SGO1: variants seen among roughly 807,000 people sequenced by gnomAD.
The protein encoded by SGO1 is shugoshin 1.
A neutral mutation model predicts 50.5 loss-of-function variants in SGO1; 39 were observed. The observed-to-expected ratio is 0.77, with a 90% CI of 0.60 to 1.01. The LOEUF is 1.01. Ranked by LOEUF, SGO1 falls within the 50% of genes least tolerant of loss-of-function variation. SGO1 has a pLI of 0.00. For missense variants in SGO1, 638 were observed against 606.0 expected (o/e 1.05, Z -0.55); for synonymous variants, 191 against 205.1 (o/e 0.93, Z 0.59).
At chr3:20,176,810 A>G (rs1253513828) in intron 4 of SGO1, 151 bp from the exon 5 acceptor site, 1 of 533,894 alleles carries the variant, frequency 1.9e-6, no homozygotes, top group Non-Finnish European at 3.3e-6. Context: ...AAGGAAACCA[A>G]AGGACACTTA....
At chr3:20,162,389 A>G (rs1700083222) in intron 8 of SGO1, among the ~76,000 whole-genome samples, 1 of 152,196 alleles carries the variant, frequency 6.6e-6, no homozygotes, top group African/African-American at 2.4e-5. Context: ...ACTGGGGGTA[A>G]ACGAGCATAG....
At chr3:20,174,126 A>T in intron 6 of SGO1, 123 bp downstream of exon 6, 1 of 776,912 alleles carries the variant, frequency 1.3e-6, no homozygotes, top group South Asian at 1.8e-5. Flanking sequence ...TCCACCAAAG[A>T]GAGACAGATG....
intron 8 of SGO1, among the ~76,000 whole-genome samples, chr3:20,163,772 A>G (rs1398072432): frequency 1.3e-5 from 2 of 152,194 alleles, no homozygotes; most frequent in African/African-American, 4.8e-5. Context: ...AGAGGAGGAT[A>G]ACTACAGCTC....
downstream of SGO1, among the ~76,000 whole-genome samples, chr3:20,167,691 G>A (rs1700373991): frequency 6.6e-6 from 1 of 152,112 alleles, no homozygotes; most frequent in African/African-American, 2.4e-5. Flanking sequence ...TGGTGCTACT[G>A]GAACTTAGAA....
downstream of SGO1, among the ~76,000 whole-genome samples, chr3:20,168,550 A>G (rs1294173983): frequency 6.6e-6 from 1 of 151,978 alleles, no homozygotes; most frequent in African/African-American, 2.4e-5. Flanking sequence ...TGATGATGGA[A>G]ATGTTCAATA....
At chr3:20,184,108 T>C in intron 1 of SGO1, 74 bp from the exon 2 acceptor site, 1 of 1,197,402 alleles carries the variant, frequency 8.4e-7, no homozygotes, top group Non-Finnish European at 1.1e-6. Context: ...AGGCTGTTCA[T>C]AAAGAATGCA....
Position 20,170,658 on chromosome 3 carries a change from A to T in SGO1, c.*46T>A. ...CTCTTACAGATCCTCTCCTGAAGCA[A>T]CAGAAAGAGGTGTAGATTGAATTTA... On this transcript the variant is annotated 3_prime_UTR_variant, in exon 8 of 8. Coordinates refer to ENST00000412997, the MANE Select transcript of SGO1 (RefSeq NM_001199251.3). 1 of 1,507,538 alleles carries T rather than the reference A, an allele frequency of 6.6e-7. No homozygotes were observed. Among genetic ancestry groups the T allele is most frequent in the Non-Finnish European group, 8.8e-7 (1 of 1,134,616 alleles). The allele number at this position is 1,507,538 out of a possible 1,614,324, so 93.4% of individuals were successfully genotyped here. A position where few individuals can be genotyped will look rare whatever the true frequency, so the allele number is the denominator to read the frequency against.
At chr3:20,180,141 T>C (rs566947992) in intron 3 of SGO1, among the ~76,000 whole-genome samples, 1 of 152,134 alleles carries the variant, frequency 6.6e-6, no homozygotes, top group East Asian at 1.9e-4. Flanking sequence ...CAAAAAAGTT[T>C]TAAAAAATTA....
intron 6 of SGO1, among the ~76,000 whole-genome samples, chr3:20,171,669 A>G (rs562320309): frequency 6.6e-6 from 1 of 152,310 alleles, no homozygotes; most frequent in Non-Finnish European, 1.5e-5. Flanking sequence ...CATTTTAGTC[A>G]TACCTTGCTA....
chr3:20,171,431 T>C (rs1700735398), intron 6 of SGO1, among the ~76,000 whole-genome samples, 199 bp from the exon 7 acceptor site: 1 of 152,146 alleles, frequency 6.6e-6, no homozygotes, highest in South Asian at 2.1e-4. Context: ...CTCTGCCTCC[T>C]GGTCTCAAGC....
At chr3:20,184,820 T>A (rs1702439406) in intron 1 of SGO1, among the ~76,000 whole-genome samples, 1 of 132,280 alleles carries the variant, frequency 7.6e-6, no homozygotes, top group Admixed American at 7.5e-5. Flanking sequence ...ATACTTAATC[T>A]TTCAACGTTG....
At chr3:20,181,730 T>C (rs896539847) in intron 3 of SGO1, among the ~76,000 whole-genome samples, 1 of 152,112 alleles carries the variant, frequency 6.6e-6, no homozygotes, top group Admixed American at 6.5e-5. Context: ...CCCCTACTAG[T>C]TGACTGAACA....
At position 20,183,775 on chromosome 3, in the gene SGO1, G is replaced by C. The variant is rs765979999; in HGVS notation, c.172C>G (p.Gln58Glu). Residue 58 changes from glutamine (Q) to glutamate (E), a missense_variant, in exon 3 of 8, where the codon CAA (glutamine) becomes GAA (glutamate). Coordinates refer to ENST00000412997, the MANE Select transcript of SGO1 (RefSeq NM_001199251.3). ...TNTSTLLKNYQDNNKMLVLAL... is the reference protein window; with the variant it reads ...TNTSTLLKNYEDNNKMLVLAL... ...AAAACTAACATTTTGTTGTTGTCTT[G>C]GTAATTTTTCAGCAGTGTAGAAGTG... The C allele has an allele frequency of 1.2e-6, 2 of 1,610,952 alleles. No individual in the cohort carries two copies. Among genetic ancestry groups the C allele is most frequent in the Non-Finnish European group, 1.7e-6 (2 of 1,179,218 alleles).
intron 1 of SGO1, among the ~76,000 whole-genome samples, 169 bp from the exon 2 acceptor site, chr3:20,184,203 T>C (rs1201890009): frequency 6.6e-6 from 1 of 152,204 alleles, no homozygotes; most frequent in Non-Finnish European, 1.5e-5. Flanking sequence ...AAAATCTCAT[T>C]CATATTTCTG....
rs1702269906 is a variant in SGO1 at position 20,183,604 on chromosome 3, A to G, written c.339+4T>C. 4 of 1,565,032 alleles carry G rather than the reference A, an allele frequency of 2.6e-6. No individual in the cohort carries two copies. The highest frequency in any genetic ancestry group is 3.4e-6 in the Non-Finnish European group (4 of 1,161,908). On this transcript the variant is annotated splice_donor_region_variant and intron_variant, in intron 3 of 7. Transcript: ENST00000412997. The stretch of plus-strand genomic sequence containing the variant: ...AAGAAATTCGGCCTTAGTAATGAAA[A>G]TACCTGAGCAGGTTCTACTGTTTGT...
At chr3:20,178,630 C>T (rs1701664461) in intron 3 of SGO1, among the ~76,000 whole-genome samples, 1 of 152,182 alleles carries the variant, frequency 6.6e-6, no homozygotes, top group Admixed American at 6.5e-5. Flanking sequence ...TAGAGAGTAA[C>T]TCAGGTTGGA....
At chr3:20,164,229 T>G (rs1426574791) in intron 8 of SGO1, among the ~76,000 whole-genome samples, 1 of 152,174 alleles carries the variant, frequency 6.6e-6, no homozygotes, top group Non-Finnish European at 1.5e-5. Flanking sequence ...AAAAATGATG[T>G]TATGACCGAG....
chr3:20,166,259 T>C (rs1219666960), downstream of SGO1, among the ~76,000 whole-genome samples: 1 of 152,076 alleles, frequency 6.6e-6, no homozygotes, highest in Non-Finnish European at 1.5e-5. Flanking sequence ...GGGACTAATA[T>C]CTAATATATA....
rs1193202985 is a variant in SGO1, at chr3:20,169,849, G to T, written c.*855C>A. The T allele has an allele frequency of 1.0e-6, 1 of 976,776 alleles. No individual in the cohort carries two copies. The highest frequency in any genetic ancestry group is 1.2e-6 in the Non-Finnish European group (1 of 822,244). 60.5% of individuals were successfully genotyped at this position (976,776 alleles called of 1,614,324 possible). A position where few individuals can be genotyped will look rare whatever the true frequency, so the allele number is the denominator to read the frequency against. On this transcript the variant is annotated 3_prime_UTR_variant, in exon 8 of 8. Transcript: ENST00000412997. ...ATCTGAAAAATTAAATATAACAGTG[G>T]TATAAGGAATTCATAAACAACTTAG...
Sources: allele counts gnomAD v4.1 joint callset (sites outside exome capture counted in the v4.1 genomes callset), GRCh38; gene constraint gnomAD v4.1.1; transcripts MANE v1.5; gene names NCBI Gene and HGNC (gene_info 2026-07-23, HGNC 2026-07-21).